Variants in ABCA3 observed in about 807,000 individuals in gnomAD.
ABCA3 encodes phospholipid-transporting ATPase ABCA3.
In ABCA3, 88 loss-of-function variants were observed where a neutral mutation model predicts 172.8. The observed-to-expected ratio is 0.51, with a 90% CI of 0.43 to 0.61. The LOEUF (loss-of-function observed/expected upper bound fraction) is 0.61, where lower values mean the gene tolerates loss of function less well. Among genes scored for constraint, ABCA3 ranks in the 20% least tolerant of loss-of-function variants. ABCA3 has a pLI of 0.00. For missense variants in ABCA3, 2,164 were observed against 2,301.0 expected (o/e 0.94, Z 1.22); for synonymous variants, 1,066 against 983.8 (o/e 1.08, Z -1.56).
chr16:2,281,429 A>G lies in ABCA3; in HGVS notation c.4116T>C (p.Ser1372=), dbSNP rs149532. 0.91 allele frequency: 1,473,674 copies of G among 1,613,668 alleles called. 674,183 individuals are homozygous for G. Among genetic ancestry groups the G allele is most frequent in the East Asian group, 1 (44,867 of 44,880 alleles). Residue 1372 remains serine (S), a synonymous_variant, in exon 27 of 33, where the codon AGT becomes AGC. Transcript: ENST00000301732. This position sits in a 1 kb window ranked among gnomAD's most constrained non-coding sequence, Gnocchi z 4.7. The stretch of plus-strand genomic sequence containing the variant: ...GAGGTGTGTGGAGCAGGGAGTCCGG[A>G]CTGGGGGCCAGGATGCGGGTCCTCT... ...ADERTRILAP[S]PDSLLHTPLI... is the part of the protein sequence containing the mutation.
At chr16:2,309,997 T>TTA (rs372940920) in intron 10 of ABCA3, among the ~76,000 whole-genome samples, 20 of 151,814 alleles carry the variant, frequency 1.3e-4, no homozygotes, top group South Asian at 4.2e-4. Flanking sequence ...TAAATGTGGG[T>TTA]TATATATATA....
At position 2,324,422 on chromosome 16, in the gene ABCA3, C is replaced by G; in HGVS notation, c.429G>C (p.Lys143Asn). 12 of 1,602,360 alleles carry G rather than the reference C, an allele frequency of 7.5e-6. No individual in the cohort carries two copies. The highest frequency in any genetic ancestry group is 1.0e-5 in the Non-Finnish European group (12 of 1,178,100). ...VVFEHPFNHS[K>N]EPLPLAVKYH... ...GTCTCACCGCCAGCGGCAGGGGCTCCTTGCTGTGGTTGAAGGGGTGCTCGA... is the reference window on the plus strand; with the variant it reads ...GTCTCACCGCCAGCGGCAGGGGCTCGTTGCTGTGGTTGAAGGGGTGCTCGA... Residue 143 changes from lysine to asparagine, a missense_variant, in exon 6 of 33, where the codon AAG becomes AAC. Coordinates refer to ENST00000301732, the MANE Select transcript of ABCA3 (RefSeq NM_001089.3).
chr16:2,326,617 C>T lies in ABCA3; in HGVS notation c.-26-125G>A, dbSNP rs2093734837. 1.7e-5 allele frequency: 17 copies of T among 1,023,266 alleles called. No individual in the cohort carries two copies. The South Asian group carries it at 2.2e-4, about 13-fold the overall frequency. The allele number at this position is 1,023,266 out of a possible 1,614,324, so 63.4% of individuals were successfully genotyped here. Reference sequence around the variant, plus strand: ...CACCTTCTTTTGTGCCACTTTAACTCCAAACACCCCTGGAGGGAAGGGTAC... The same window carrying T: ...CACCTTCTTTTGTGCCACTTTAACTTCAAACACCCCTGGAGGGAAGGGTAC... On this transcript the variant is annotated intron_variant, in intron 3 of 32. Transcript: ENST00000301732.
At chr16:2,299,056 C>G (rs1022065795) in intron 14 of ABCA3, among the ~76,000 whole-genome samples, 1 of 145,328 alleles carries the variant, frequency 6.9e-6, no homozygotes, top group South Asian at 2.2e-4. Flanking sequence ...CCCCTGCATT[C>G]ATGGACAGAG....
chr16:2,302,854 T>G (rs1430768741), intron 12 of ABCA3, among the ~76,000 whole-genome samples: 1 of 151,082 alleles, frequency 6.6e-6, no homozygotes, highest in Non-Finnish European at 1.5e-5. Flanking sequence ...AATGGCACAG[T>G]CTCAGCTCAC....
Position 2,283,334 on chromosome 16 carries a change from TAGA to T in ABCA3, c.3884_3886del (p.Phe1295del). The T allele has an allele frequency of 6.2e-7, 1 of 1,613,126 alleles. No homozygotes were observed. Among genetic ancestry groups the T allele is most frequent in the Non-Finnish European group, 8.5e-7 (1 of 1,179,962 alleles). ...GCCGACCCCCGGGGCGCTCCAGGCA[TAGA>T]AGTTCTCCTGGTACTGGATGTCTGT... On this transcript the variant is annotated inframe_deletion, in exon 26 of 33. Transcript: ENST00000301732. This position sits in a 1 kb window ranked among gnomAD's most constrained non-coding sequence, Gnocchi z 5.4.
intron 7 of ABCA3, among the ~76,000 whole-genome samples, 190 bp from the exon 8 acceptor site, chr16:2,320,030 G>A (rs973603542): frequency 2.6e-5 from 4 of 152,070 alleles, no homozygotes; most frequent in Admixed American, 2.6e-4. Context: ...GACAGCAAAT[G>A]AGAAGAGAGA....
chr16:2,284,581 G>A lies in ABCA3; in HGVS notation c.3704-144C>T. The A allele has an allele frequency of 7.3e-7, 1 of 1,368,622 alleles. No homozygotes were observed. The highest frequency in any genetic ancestry group is 1.0e-6 in the Non-Finnish European group (1 of 974,788). 84.8% of individuals were successfully genotyped at this position (1,368,622 alleles called of 1,614,324 possible). ...TCCCAGGGACGCCCCTGCCGGCTCTGCACAGGGCAAGGACGCCGCAGACGC... is the reference window on the plus strand; with the variant it reads ...TCCCAGGGACGCCCCTGCCGGCTCTACACAGGGCAAGGACGCCGCAGACGC... On this transcript the variant is annotated intron_variant, in intron 24 of 32. Coordinates refer to ENST00000301732, the MANE Select transcript of ABCA3 (RefSeq NM_001089.3). The surrounding 1 kb of genome is among the most constrained non-coding windows in gnomAD (Gnocchi z 5.9).
At position 2,277,962 on chromosome 16, in the gene ABCA3, T is replaced by C. The variant is rs1169670491; in HGVS notation, c.4826A>G (p.Tyr1609Cys). 27 of 1,612,656 alleles carry C rather than the reference T, an allele frequency of 1.7e-5. No homozygotes were observed. Among genetic ancestry groups the C allele is most frequent in the Non-Finnish European group, 2.3e-5 (27 of 1,179,988 alleles). ...QHLKSKFGSG[Y>C]SLRAKVQSEG... The stretch of plus-strand genomic sequence containing the variant: ...ACTCTGCACCTTGGCCCGCAGGGAG[T>C]AGCCGCTGCCGAACTTGCTCTTGAG... Residue 1609 changes from tyrosine to cysteine, a missense_variant, in exon 31 of 33, where the codon TAC (tyrosine) becomes TGC (cysteine). Around this residue, in one of 3 missense-constraint regions of ABCA3, gnomAD observed 795 missense variants for 881.9 expected, o/e 0.90. Transcript: ENST00000301732. This position sits in a 1 kb window ranked among gnomAD's most constrained non-coding sequence, Gnocchi z 5.3.
intron 15 of ABCA3, 82 bp from the exon 16 acceptor site, chr16:2,298,003 C>T: frequency 7.2e-7 from 1 of 1,384,044 alleles, no homozygotes; most frequent in Non-Finnish European, 1.0e-6. Context: ...GTGAGAGGAA[C>T]CTCTCCTTGA....
chr16:2,281,342 A>G lies in ABCA3; in HGVS notation c.4164+39T>C. 6.2e-7 allele frequency: 1 copy of G among 1,613,450 alleles called. No individual in the cohort carries two copies. Among genetic ancestry groups the G allele is most frequent in the Non-Finnish European group, 8.5e-7 (1 of 1,179,920 alleles). On this transcript the variant is annotated intron_variant, in intron 27 of 32. Transcript: ENST00000301732. This position sits in a 1 kb window ranked among gnomAD's most constrained non-coding sequence, Gnocchi z 4.7. ...GGACCCTGGGGACAGCCAGGTAGTC[A>G]GCTGGCAGGAAGGACTCCACCCCAA...
At chr16:2,299,638 G>C (rs2093685813) in intron 13 of ABCA3, 106 bp from the exon 14 acceptor site, 3 of 1,556,126 alleles carry the variant, frequency 1.9e-6, no homozygotes, top group Non-Finnish European at 2.6e-6. Context: ...ACCAAGCCTA[G>C]CGTCACCATC....
chr16:2,284,475 C>T lies in ABCA3; in HGVS notation c.3704-38G>A, dbSNP rs771040655. ...GGTAAGATCAGTCTGCGCTGGAGGGCACACCACACCCACCTCCAGGACGGG... is the reference window on the plus strand; with the variant it reads ...GGTAAGATCAGTCTGCGCTGGAGGGTACACCACACCCACCTCCAGGACGGG... On this transcript the variant is annotated intron_variant, in intron 24 of 32. Transcript: ENST00000301732. The surrounding 1 kb of genome is among the most constrained non-coding windows in gnomAD (Gnocchi z 5.9). The T allele has an allele frequency of 9.9e-6, 16 of 1,611,776 alleles. No individual in the cohort carries two copies. Among genetic ancestry groups the T allele is most frequent in the Admixed American group, 5.0e-5 (3 of 59,986 alleles).
chr16:2,332,381 G>A lies in ABCA3; in HGVS notation c.-538-2527C>T, dbSNP rs4787278. ...CTAAACTTTTTGGACTCGCAGGGACGGGGATCAGCTACCAGCAGGGTCCGG... is the reference window on the plus strand; with the variant it reads ...CTAAACTTTTTGGACTCGCAGGGACAGGGATCAGCTACCAGCAGGGTCCGG... On this transcript the variant is annotated intron_variant, in intron 1 of 32. Coordinates refer to ENST00000301732, the MANE Select transcript of ABCA3 (RefSeq NM_001089.3). 0.033 allele frequency: 31,496 copies of A among 961,886 alleles called. 5,986 individuals carry two copies. The African/African-American group carries it at 0.44, about 13-fold the overall frequency. 59.6% of individuals were successfully genotyped at this position (961,886 alleles called of 1,614,324 possible).
At chr16:2,319,921 G>A (rs2093723192) in intron 7 of ABCA3, 81 bp from the exon 8 acceptor site, 2 of 1,581,996 alleles carry the variant, frequency 1.3e-6, no homozygotes, top group African/African-American at 1.3e-5. Flanking sequence ...TGGGGTCCAT[G>A]GGGGAAGAGA....
chr16:2,289,961 T>TCACTCA (rs1010148901), intron 19 of ABCA3, among the ~76,000 whole-genome samples: 11 of 138,210 alleles, frequency 8.0e-5, no homozygotes, highest in African/African-American at 3.1e-4. Context: ...GTGAATTACA[T>TCACTCA]CACACACACA....
chr16:2,306,680 G>A (rs1166760075), intron 11 of ABCA3, among the ~76,000 whole-genome samples: 1 of 152,124 alleles, frequency 6.6e-6, no homozygotes, highest in South Asian at 2.1e-4. Flanking sequence ...GAGCCCACAG[G>A]CCAAAGGCCG....
chr16:2,300,177 T>A, intron 12 of ABCA3, 29 bp from the exon 13 acceptor site: 1 of 1,612,886 alleles, frequency 6.2e-7, no homozygotes, highest in Non-Finnish European at 8.5e-7. Flanking sequence ...GCTGTCAGTT[T>A]GTTTTGTTTG....
chr16:2,334,494 T>C (rs1308679457), intron 1 of ABCA3, among the ~76,000 whole-genome samples: 1 of 151,566 alleles, frequency 6.6e-6, no homozygotes, highest in African/African-American at 2.4e-5. Flanking sequence ...ATCCTGTGGA[T>C]GAAATGCCCA....
Sources: gnomAD v4.1 joint callset for allele counts (sites outside exome capture counted in the v4.1 genomes callset) on GRCh38, gnomAD v4.1.1 for gene constraint, gnomAD v4.1.1 regional missense constraint, Gnocchi (gnomAD v3.1) non-coding constraint, MANE v1.5 for transcripts, NCBI Gene and HGNC (gene_info 2026-07-23, HGNC 2026-07-21) for gene names.